The following CYP20A1 variants were observed in gnomAD, a reference collection of about 807,000 sequenced individuals.
The protein encoded by CYP20A1 is cytochrome P450 family 20 subfamily A member 1.
CYP20A1 carries 61 observed loss-of-function variants against 61.4 expected under a neutral mutation model. The ratio of observed to expected loss-of-function variants is 0.99; its 90% CI spans 0.81 to 1.23. The LOEUF is 1.23. Ranked by LOEUF, CYP20A1 falls within the 50% of genes most tolerant of loss-of-function variation. The pLI is 0.00. For synonymous variants in CYP20A1, 193 were observed against 188.2 expected (o/e 1.03, Z -0.21); for missense variants, 530 against 542.4 (o/e 0.98, Z 0.23).
At chr2:203,250,436 T>G (rs1382113844) in intron 3 of CYP20A1, among the ~76,000 whole-genome samples, 1 of 152,172 alleles carries the variant, frequency 6.6e-6, no homozygotes, top group Non-Finnish European at 1.5e-5. Flanking sequence ...AGGTCACAGC[T>G]AATTAGTGAT....
chr2:203,250,509 CT>C (rs1439608768), intron 3 of CYP20A1, among the ~76,000 whole-genome samples: 1 of 129,058 alleles, frequency 7.7e-6, no homozygotes, highest in African/African-American at 2.8e-5. Context: ...ACAAGGATCT[CT>C]GAGGAAGAAA....
chr2:203,260,704 G>T (rs565254910), intron 4 of CYP20A1, among the ~76,000 whole-genome samples: 1 of 151,998 alleles, frequency 6.6e-6, no homozygotes, highest in East Asian at 1.9e-4. Flanking sequence ...TTTTGTTTTT[G>T]GTAGAGAGAG....
chr2:203,290,352 C>T (rs1575269334), intron 10 of CYP20A1, among the ~76,000 whole-genome samples: 1 of 152,082 alleles, frequency 6.6e-6, no homozygotes, highest in African/African-American at 2.4e-5. Context: ...AAAGTTCAAG[C>T]AATATAAAAG....
chr2:203,257,616 C>T (rs528414549), intron 4 of CYP20A1, among the ~76,000 whole-genome samples: 2 of 151,920 alleles, frequency 1.3e-5, no homozygotes, highest in Admixed American at 1.3e-4. Flanking sequence ...AGTGAAACTC[C>T]GTCTCTACTA....
rs184409136 is a variant in CYP20A1, at chr2:203,299,348, A to T, written c.*2440A>T. On this transcript the variant is annotated 3_prime_UTR_variant, in exon 13 of 13. Transcript: ENST00000356079. The stretch of plus-strand genomic sequence containing the variant: ...TGAGGCGGGAGGATCACTTGAGCCC[A>T]GGAGTTGGAGGCTTCAGTGAGCTGT... 1.4e-3 allele frequency among the ~76,000 whole-genome samples: 211 copies of T among 152,212 alleles called. No individual in the cohort carries two copies. The highest frequency in any genetic ancestry group is 4.9e-3 in the African/African-American group (202 of 41,558).
intron 10 of CYP20A1, among the ~76,000 whole-genome samples, chr2:203,291,545 C>T (rs1223374533): frequency 6.6e-6 from 1 of 151,928 alleles, no homozygotes; most frequent in Non-Finnish European, 1.5e-5. Flanking sequence ...TTTGTTAATT[C>T]TGTCTTTATA....
At chr2:203,262,222 A>G (rs1269334800) in intron 4 of CYP20A1, among the ~76,000 whole-genome samples, 1 of 152,074 alleles carries the variant, frequency 6.6e-6, no homozygotes, top group Non-Finnish European at 1.5e-5. Context: ...ATTTTATTTT[A>G]TTATTTATTT....
At chr2:203,262,610 C>T (rs2067178357) in intron 4 of CYP20A1, among the ~76,000 whole-genome samples, 1 of 151,998 alleles carries the variant, frequency 6.6e-6, no homozygotes, top group Non-Finnish European at 1.5e-5. Flanking sequence ...AGTGCTTTCC[C>T]TCCCAATATA....
chr2:203,267,933 GT>G (rs977494480), intron 5 of CYP20A1, among the ~76,000 whole-genome samples: 8 of 151,376 alleles, frequency 5.3e-5, no homozygotes, highest in Admixed American at 1.3e-4. Context: ...TTATGCTGAT[GT>G]TTTTTTTCTT....
chr2:203,274,120 T>A (rs918037806), intron 6 of CYP20A1, among the ~76,000 whole-genome samples: 1 of 152,088 alleles, frequency 6.6e-6, no homozygotes, highest in African/African-American at 2.4e-5. Flanking sequence ...TCCCTTATTA[T>A]TTTTTTGTTC....
At chr2:203,253,832 A>C (rs2066791991) in intron 4 of CYP20A1, among the ~76,000 whole-genome samples, 2 of 149,712 alleles carry the variant, frequency 1.3e-5, no homozygotes, top group South Asian at 2.1e-4. Flanking sequence ...CTTGCTCTGG[A>C]TGGGGGTGGT....
At chr2:203,243,485 G>A (rs1298069027) in intron 1 of CYP20A1, among the ~76,000 whole-genome samples, 2 of 151,730 alleles carry the variant, frequency 1.3e-5, no homozygotes, top group Non-Finnish European at 1.5e-5. Context: ...CCGCCTCCCG[G>A]GCTCAAATCC....
chr2:203,254,547 C>CA lies in CYP20A1; in HGVS notation c.432+2454dup, dbSNP rs377673483. On this transcript the variant is annotated intron_variant, in intron 4 of 12. Coordinates refer to ENST00000356079, the MANE Select transcript of CYP20A1 (RefSeq NM_177538.3). ...CTGGGCGACAGAGCTAGACTCGTCTCAAAAAAAAAAAAAAAATTGTTATCA... is the reference window on the plus strand; with the variant it reads ...CTGGGCGACAGAGCTAGACTCGTCTCAAAAAAAAAAAAAAAAATTGTTATCA... 3.6e-3 allele frequency among the ~76,000 whole-genome samples: 370 copies of CA among 101,382 alleles called. 2 individuals carry two copies. Among genetic ancestry groups the CA allele is most frequent in the Middle Eastern group, 0.032 (5 of 158 alleles). The allele number at this position is 101,382 out of a possible 152,430, so 66.5% of individuals were successfully genotyped here.
intron 11 of CYP20A1, among the ~76,000 whole-genome samples, chr2:203,295,640 A>G (rs749965684): frequency 2.0e-5 from 3 of 152,174 alleles, no homozygotes; most frequent in East Asian, 1.9e-4. Context: ...TATATTTTGC[A>G]TCTATCATTT....
intron 1 of CYP20A1, among the ~76,000 whole-genome samples, chr2:203,244,732 C>CTTTT (rs35996822): frequency 1.6e-5 from 2 of 123,204 alleles, no homozygotes; most frequent in African/African-American, 6.2e-5. Context: ...TGAAATAATT[C>CTTTT]TTTTTTTTTT....
intron 9 of CYP20A1, among the ~76,000 whole-genome samples, chr2:203,286,944 A>G (rs1411455206): frequency 6.6e-6 from 1 of 151,996 alleles, no homozygotes; most frequent in Non-Finnish European, 1.5e-5. Context: ...GGCTGGGCGC[A>G]GTGGCCCACA....
At chr2:203,240,116 CAAAA>C (rs1317631660) in intron 1 of CYP20A1, among the ~76,000 whole-genome samples, 6 of 151,984 alleles carry the variant, frequency 3.9e-5, no homozygotes, top group Non-Finnish European at 5.9e-5. Flanking sequence ...AACAAACAAA[CAAAA>C]AACACCTGTT....
rs2066673728 is a variant in CYP20A1 at position 203,251,649 on chromosome 2, A to C, written c.290-318A>C. On this transcript the variant is annotated intron_variant, in intron 3 of 12. Coordinates refer to ENST00000356079, the MANE Select transcript of CYP20A1 (RefSeq NM_177538.3). Reference sequence around the variant, plus strand: ...CCAGGAGTGTTGGCACACGCCTGTAATCCTAGCTACTTGGGAGGCTGAGGC... The same window carrying C: ...CCAGGAGTGTTGGCACACGCCTGTACTCCTAGCTACTTGGGAGGCTGAGGC... Among the ~76,000 whole-genome samples the C allele has an allele frequency of 2.7e-5, 4 of 149,856 alleles. No individual in the cohort carries two copies. The Admixed American group carries it at 2.7e-4, about 10-fold the overall frequency.
chr2:203,296,751 T>C lies in CYP20A1; in HGVS notation c.1239-7T>C. Reference sequence around the variant, plus strand: ...TTTAGTAACTAATTGACTTTCTTCCTGACTAGGTTTGCATATATGGTGACC... The same window carrying C: ...TTTAGTAACTAATTGACTTTCTTCCCGACTAGGTTTGCATATATGGTGACC... On this transcript the variant is annotated splice_polypyrimidine_tract_variant and splice_region_variant and intron_variant, in intron 12 of 12. Transcript: ENST00000356079. 1 of 1,576,918 alleles carries C rather than the reference T, an allele frequency of 6.3e-7. No individual in the cohort carries two copies.
Sources: allele counts gnomAD v4.1 joint callset (sites outside exome capture counted in the v4.1 genomes callset), GRCh38; gene constraint gnomAD v4.1.1; transcripts MANE v1.5; gene names NCBI Gene and HGNC (gene_info 2026-07-23, HGNC 2026-07-21).